FILIP1L: variants seen among roughly 807,000 people sequenced by gnomAD.
FILIP1L encodes the protein filamin A-interacting protein 1-like.
In FILIP1L, 55 loss-of-function variants were observed where a neutral mutation model predicts 96.6. The ratio of observed to expected loss-of-function variants is 0.57; its 90% CI spans 0.46 to 0.71. The LOEUF (loss-of-function observed/expected upper bound fraction) is 0.71, where lower values mean the gene tolerates loss of function less well. Among genes scored for constraint, FILIP1L ranks in the 30% least tolerant of loss-of-function variants. The pLI is 0.00. For synonymous variants in FILIP1L, 467 were observed against 473.9 expected, an observed-to-expected ratio of 0.99 and a Z score of 0.19; for missense variants, 1,304 against 1,321.2, an observed-to-expected ratio of 0.99 and a Z score of 0.20.
chr3:100,014,891 C>CTTT (rs1710284139), intron 1 of FILIP1L, among the ~76,000 whole-genome samples: 18 of 27,218 alleles, frequency 6.6e-4, no homozygotes, highest in South Asian at 1.5e-3. Flanking sequence ...TTTTTTCTTT[C>CTTT]TTTCTTTTTT....
At position 99,848,759 on chromosome 3, in the gene FILIP1L, TG is replaced by T; in HGVS notation, c.2916del (p.Met973CysfsTer21). ...STEDLMNLEQGMSPITMATFA... is the reference protein window; with the variant it reads ...STEDLMNLEQXMSPITMATFA... ...AAGGTTGCCATGGTAATTGGGGACA[TG>T]CCTTGTTCTAAATTCATGAGGTCTT... On this transcript the variant is annotated frameshift_variant, in exon 5 of 6. Coordinates refer to ENST00000477258, the MANE Select transcript of FILIP1L (RefSeq NM_001387850.1). LOFTEE classifies it high-confidence loss of function. 6.2e-7 allele frequency: 1 copy of T among 1,614,226 alleles called. No individual in the cohort carries two copies. The highest frequency in any genetic ancestry group is 8.5e-7 in the Non-Finnish European group (1 of 1,180,030).
chr3:100,021,434 T>G (rs2064815181), intron 1 of FILIP1L, among the ~76,000 whole-genome samples: 1 of 152,202 alleles, frequency 6.6e-6, no homozygotes, highest in Non-Finnish European at 1.5e-5. Context: ...CAAGACACTT[T>G]GGGAGAGGAG....
At chr3:100,002,702 A>C (rs188681010) in intron 1 of FILIP1L, among the ~76,000 whole-genome samples, 48 of 152,360 alleles carry the variant, frequency 3.2e-4, no homozygotes, top group African/African-American at 1.2e-3. Flanking sequence ...ATCTAATTGT[A>C]CATGTGGAAA....
At chr3:99,983,478 A>ATGTG (rs1265189911) in intron 1 of FILIP1L, among the ~76,000 whole-genome samples, 515 of 21,974 alleles carry the variant, frequency 0.023, 28 homozygotes, top group African/African-American at 0.068. Flanking sequence ...ATATATATAT[A>ATGTG]TATATATATA....
Position 99,829,382 on chromosome 3 carries a change from A to G in FILIP1L, c.*1032T>C, listed in dbSNP as rs1942601946. On this transcript the variant is annotated 3_prime_UTR_variant, in exon 6 of 6. Transcript: ENST00000477258. ...ATTCAATGAGAGAGTTTTCAGTGTG[A>G]TGTAAAGAATTGCTTTAGCTTTCTG... Among the ~76,000 whole-genome samples, 1 of 152,186 alleles carries G rather than the reference A, an allele frequency of 6.6e-6. No individual in the cohort carries two copies. Among genetic ancestry groups the G allele is most frequent in the Non-Finnish European group, 1.5e-5 (1 of 68,032 alleles).
chr3:100,071,434 G>A (rs886074685), intron 1 of FILIP1L, among the ~76,000 whole-genome samples: 1 of 152,162 alleles, frequency 6.6e-6, no homozygotes, highest in African/African-American at 2.4e-5. Context: ...CTTCACCTGA[G>A]AAAGACAGTC....
intron 1 of FILIP1L, among the ~76,000 whole-genome samples, chr3:99,932,514 C>T (rs1031727552): frequency 6.6e-6 from 1 of 151,964 alleles, no homozygotes; most frequent in Non-Finnish European, 1.5e-5. Context: ...AAAAATGCTA[C>T]TTCAAACATT....
At position 99,850,997 on chromosome 3, in the gene FILIP1L, T is replaced by C. The variant is rs1235137229; in HGVS notation, c.679A>G (p.Thr227Ala). The part of the protein sequence containing the change: ...KEQEKEKRVT[T>A]LKEELTKLKS... ...AGCTTGGTCAGCTCCTCTTTCAGGG[T>C]GGTGACCCTTTTCTCCTTTTCTTGC... The change falls in exon 5 of 6, where the codon ACC becomes GCC. Residue 227 changes from threonine to alanine, a missense_variant. Physicochemically the swap from Thr to Ala is moderately conservative, Grantham distance 58. Transcript: ENST00000477258. 1 of 1,613,656 alleles carries C rather than the reference T, an allele frequency of 6.2e-7. No individual in the cohort carries two copies.
At chr3:100,023,935 A>G (rs1320454471) in intron 1 of FILIP1L, among the ~76,000 whole-genome samples, 2 of 152,214 alleles carry the variant, frequency 1.3e-5, no homozygotes, top group African/African-American at 4.8e-5. Flanking sequence ...AAATGCTAGC[A>G]GTTAAAGAAA....
At chr3:100,070,490 T>C (rs1257145050) in intron 1 of FILIP1L, among the ~76,000 whole-genome samples, 1 of 152,258 alleles carries the variant, frequency 6.6e-6, no homozygotes, top group African/African-American at 2.4e-5. Context: ...TCAACTTAAA[T>C]ACATTTTAAG....
chr3:100,076,802 A>G (rs1233915561), intron 1 of FILIP1L, among the ~76,000 whole-genome samples: 1 of 152,222 alleles, frequency 6.6e-6, no homozygotes, highest in Non-Finnish European at 1.5e-5. Flanking sequence ...AAAGTTGTTT[A>G]ATAAGATCTT....
chr3:99,958,870 G>C (rs180935482), intron 1 of FILIP1L, among the ~76,000 whole-genome samples: 164 of 152,232 alleles, frequency 1.1e-3, no homozygotes, highest in African/African-American at 3.7e-3. Flanking sequence ...AAGAATTTTG[G>C]CTTTACACTT....
At chr3:100,092,305 C>T (rs1009146581) in intron 1 of FILIP1L, among the ~76,000 whole-genome samples, 1 of 152,058 alleles carries the variant, frequency 6.6e-6, no homozygotes, top group African/African-American at 2.4e-5. Context: ...GCATGTGTCC[C>T]TGAAACCAGT....
chr3:100,021,262 C>G (rs73859919), intron 1 of FILIP1L, among the ~76,000 whole-genome samples: 9 of 152,162 alleles, frequency 5.9e-5, no homozygotes, highest in Non-Finnish European at 1.0e-4. Flanking sequence ...CTATAGAGCT[C>G]TCCTTATATA....
At position 99,930,011 on chromosome 3, in the gene FILIP1L, C is replaced by T. The variant is rs1707426256; in HGVS notation, c.271G>A (p.Gly91Ser). 1.9e-6 allele frequency: 3 copies of T among 1,611,786 alleles called. No homozygotes were observed. The highest frequency in any genetic ancestry group is 3.4e-5 in the Admixed American group (2 of 59,542). The part of the protein sequence containing the change: ...GELQARDEVI[G>S]ILKAEKMDLA... The stretch of plus-strand genomic sequence containing the variant: ...TCCATTTTTTCAGCCTTTAAAATGC[C>T]TATGACCTCATCTCGAGCCTGTAGG... Residue 91 changes from glycine (G) to serine (S), a missense_variant, in exon 3 of 6, where the codon GGC (glycine) becomes AGC (serine). Gly to Ser is a moderately conservative substitution (Grantham distance 56, BLOSUM62 0). Transcript: ENST00000477258.
At chr3:100,047,075 A>G (rs1336799021) in intron 1 of FILIP1L, among the ~76,000 whole-genome samples, 1 of 152,202 alleles carries the variant, frequency 6.6e-6, no homozygotes. Flanking sequence ...TGAAGGTCCA[A>G]AACTGCTAAA....
At chr3:100,013,107 G>C (rs1304042154) in intron 1 of FILIP1L, among the ~76,000 whole-genome samples, 1 of 151,994 alleles carries the variant, frequency 6.6e-6, no homozygotes, top group Non-Finnish European at 1.5e-5. Context: ...GAACTCCTGG[G>C]CTCAAGCAGT....
intron 4 of FILIP1L, chr3:99,876,299 G>T (rs1705517237): frequency 3.9e-6 from 3 of 772,576 alleles, no homozygotes; most frequent in Non-Finnish European, 4.7e-6. Context: ...CCGCGGCGGC[G>T]GCGCAGCCAC....
intron 1 of FILIP1L, among the ~76,000 whole-genome samples, chr3:100,029,154 C>T (rs969775742): frequency 1.3e-5 from 2 of 151,282 alleles, no homozygotes; most frequent in Admixed American, 6.6e-5. Flanking sequence ...AGCAAGACCT[C>T]GTCTTTAAAA....
Sources: allele counts gnomAD v4.1 joint callset (sites outside exome capture counted in the v4.1 genomes callset), GRCh38; gene constraint gnomAD v4.1.1; transcripts MANE v1.5; gene names NCBI Gene and HGNC (gene_info 2026-07-23, HGNC 2026-07-21).